RFX7: variants seen among roughly 807,000 people sequenced by gnomAD.
RFX7 encodes regulatory factor X7, also known as DNA-binding protein RFX7.
In RFX7, 26 loss-of-function variants were observed where a neutral mutation model predicts 111.8. The ratio of observed to expected loss-of-function variants is 0.23; its 90% CI spans 0.17 to 0.32. The LOEUF is 0.32. Ranked by LOEUF, RFX7 falls within the 10% of genes least tolerant of loss-of-function variation. The pLI, the probability that RFX7 is intolerant of heterozygous loss-of-function variation, is 1.00. For missense variants in RFX7, 1,573 were observed against 1,772.9 expected, an observed-to-expected ratio of 0.89 and a Z score of 2.02; for synonymous variants, 624 against 624.4, an observed-to-expected ratio of 1.00 and a Z score of 0.01.
chr15:56,136,115 G>A lies in RFX7; in HGVS notation c.401+6663C>T, dbSNP rs145526588. Among the ~76,000 whole-genome samples the A allele has an allele frequency of 4.4e-3, 672 of 151,872 alleles. 4 individuals are homozygous for A. Among genetic ancestry groups the A allele is most frequent in the African/African-American group, 0.014 (566 of 41,308 alleles). On this transcript the variant is annotated intron_variant, in intron 5 of 9. Transcript: ENST00000559447. Reference sequence around the variant, plus strand: ...GCGATGCGGGCTCTTTTTTGGTTCCGTATGAACTTTAAAGTAGTTTTTTAC... The same window carrying A: ...GCGATGCGGGCTCTTTTTTGGTTCCATATGAACTTTAAAGTAGTTTTTTAC...
chr15:56,143,691 GACATA>G (rs2042432351), intron 4 of RFX7, among the ~76,000 whole-genome samples: 1 of 151,952 alleles, frequency 6.6e-6, no homozygotes, highest in Admixed American at 6.6e-5. Context: ...AAGTGTCTAG[GACATA>G]ACATGATTAA....
intron 3 of RFX7, among the ~76,000 whole-genome samples, chr15:56,168,189 A>C (rs1217692147): frequency 2.0e-5 from 3 of 152,240 alleles, no homozygotes; most frequent in African/African-American, 7.2e-5. Flanking sequence ...GACAATGATG[A>C]CACATTAACC....
rs1190436425 is a variant in RFX7 at position 56,173,097 on chromosome 15, GAGA to G, written c.195+6170_195+6172del. Reference sequence around the variant, plus strand: ...AGCAAGGCAGTACTGCAGAGCTAAAGAGAAGGAGGTTAGTGTTCGAGGTGGCAA... The same window carrying G: ...AGCAAGGCAGTACTGCAGAGCTAAAGAGGAGGTTAGTGTTCGAGGTGGCAA... On this transcript the variant is annotated intron_variant, in intron 3 of 9. Coordinates refer to ENST00000559447, the MANE Select transcript of RFX7 (RefSeq NM_022841.7). Among the ~76,000 whole-genome samples, 4 of 152,330 alleles carry G rather than the reference GAGA, an allele frequency of 2.6e-5. No individual in the cohort carries two copies. In the South Asian group the frequency reaches 6.2e-4, roughly 24 times the overall value.
intron 6 of RFX7, 48 bp downstream of exon 6, chr15:56,103,506 C>T: frequency 8.5e-7 from 1 of 1,182,276 alleles, no homozygotes; most frequent in Non-Finnish European, 1.2e-6. Flanking sequence ...TGTTCTATAA[C>T]AAGTGAGAAC....
chr15:56,107,080 A>T (rs1299786268), intron 5 of RFX7, among the ~76,000 whole-genome samples: 1 of 152,014 alleles, frequency 6.6e-6, no homozygotes, highest in Non-Finnish European at 1.5e-5. Flanking sequence ...GGCAGATCAC[A>T]AGGTCAGGAG....
chr15:56,159,585 A>C (rs1419053612), intron 3 of RFX7, among the ~76,000 whole-genome samples: 3 of 152,246 alleles, frequency 2.0e-5, no homozygotes, highest in Non-Finnish European at 4.4e-5. Flanking sequence ...AGAAATAATC[A>C]ATCTAAGCAG....
At chr15:56,141,359 C>A (rs1186059101) in intron 5 of RFX7, among the ~76,000 whole-genome samples, 2 of 151,632 alleles carry the variant, frequency 1.3e-5, no homozygotes, top group Non-Finnish European at 2.9e-5. Flanking sequence ...AGAGTTAAAC[C>A]CTGTCTCAAA....
rs776182749 is a variant in RFX7, at chr15:56,101,399, C to G, written c.771G>C (p.Lys257Asn). The G allele has an allele frequency of 1.2e-6, 2 of 1,608,106 alleles. No individual in the cohort carries two copies. The highest frequency in any genetic ancestry group is 1.7e-6 in the Non-Finnish European group (2 of 1,177,386). ...FLVKSHYIGT[K>N]SMAALTVMAA... Reference sequence around the variant, plus strand: ...CCATTACAGTTAGAGCTGCCATTGACTTGGTGCCTATATAGTGACTTTTTA... The same window carrying G: ...CCATTACAGTTAGAGCTGCCATTGAGTTGGTGCCTATATAGTGACTTTTTA... The change falls in exon 8 of 10, where the codon AAG becomes AAC. Residue 257 changes from lysine to asparagine, a missense_variant. This residue lies in a region of RFX7 where 288 missense variants were observed against 337.9 expected (regional missense o/e 0.85). Coordinates refer to ENST00000559447, the MANE Select transcript of RFX7 (RefSeq NM_022841.7).
chr15:56,130,284 A>G (rs1387709252), intron 5 of RFX7, among the ~76,000 whole-genome samples: 2 of 152,314 alleles, frequency 1.3e-5, no homozygotes, highest in African/African-American at 4.8e-5. Context: ...TTAAAAATTG[A>G]TAATTTGTTA....
chr15:56,114,464 A>C (rs1365961014), intron 5 of RFX7, among the ~76,000 whole-genome samples: 1 of 151,742 alleles, frequency 6.6e-6, no homozygotes. Flanking sequence ...GAAAAGGAAA[A>C]GAAAAAGAAA....
At chr15:56,102,296 T>C in intron 6 of RFX7, 43 bp from the exon 7 acceptor site, 8 of 1,218,444 alleles carry the variant, frequency 6.6e-6, no homozygotes, top group Non-Finnish European at 9.5e-6. Flanking sequence ...TTAAATGAAT[T>C]GCTTATACAG....
rs1170707375 is a variant in RFX7, at chr15:56,091,798, A to C, written c.*1547T>G. ...CAACTCTAGCACCATTTATTTATCAAAATATGTTAATACCCTACCTTGCAA... is the reference window on the plus strand; with the variant it reads ...CAACTCTAGCACCATTTATTTATCACAATATGTTAATACCCTACCTTGCAA... On this transcript the variant is annotated 3_prime_UTR_variant, in exon 10 of 10. Coordinates refer to ENST00000559447, the MANE Select transcript of RFX7 (RefSeq NM_022841.7). 2 of 152,580 alleles carry C rather than the reference A, an allele frequency of 1.3e-5. No homozygotes were observed. Among genetic ancestry groups the C allele is most frequent in the Admixed American group, 1.3e-4 (2 of 15,266 alleles). The allele number at this position is 152,580 out of a possible 1,614,324, so 9.5% of individuals were successfully genotyped here. A position where few individuals can be genotyped will look rare whatever the true frequency, so the allele number is the denominator to read the frequency against.
In RFX7 at chr15:56,102,161, A is replaced by T. The variant is rs1371753985; in HGVS notation, c.603+8T>A. The T allele has an allele frequency of 6.3e-7, 1 of 1,598,188 alleles. No homozygotes were observed. Among genetic ancestry groups the T allele is most frequent in the Admixed American group, 1.7e-5 (1 of 58,926 alleles). Reference sequence around the variant, plus strand: ...TTACTTATTAAAAAGAAAAGGCTGAATTCTTACCCCATCTCCAGTTTTGTG... The same window carrying T: ...TTACTTATTAAAAAGAAAAGGCTGATTTCTTACCCCATCTCCAGTTTTGTG... On this transcript the variant is annotated splice_region_variant and intron_variant, in intron 7 of 9. Coordinates refer to ENST00000559447, the MANE Select transcript of RFX7 (RefSeq NM_022841.7).
intron 3 of RFX7, among the ~76,000 whole-genome samples, chr15:56,174,513 C>T (rs571944032): frequency 4.6e-5 from 7 of 152,056 alleles, no homozygotes; most frequent in South Asian, 2.1e-4. Flanking sequence ...CTTTGGGAGG[C>T]GAAGGTAGGC....
chr15:56,215,184 T>C lies in RFX7; in HGVS notation c.161+27941A>G, dbSNP rs150528015. Among the ~76,000 whole-genome samples, 118 of 152,366 alleles carry C rather than the reference T, an allele frequency of 7.7e-4. 1 individual carries two copies. The highest frequency in any genetic ancestry group is 2.8e-3 in the African/African-American group (117 of 41,598). Reference sequence around the variant, plus strand: ...TCATGTATGTTAAATCATCTCCAGATTCCTTGTAATCAATACAATGTAAGT... The same window carrying C: ...TCATGTATGTTAAATCATCTCCAGACTCCTTGTAATCAATACAATGTAAGT... On this transcript the variant is annotated intron_variant, in intron 2 of 9. Coordinates refer to ENST00000559447, the MANE Select transcript of RFX7 (RefSeq NM_022841.7).
At chr15:56,167,452 C>G (rs1192827952) in intron 3 of RFX7, among the ~76,000 whole-genome samples, 1 of 152,126 alleles carries the variant, frequency 6.6e-6, no homozygotes. Context: ...GCTAATAATG[C>G]TCTGGTGTTG....
At chr15:56,202,076 C>T (rs1277109782) in intron 2 of RFX7, among the ~76,000 whole-genome samples, 1 of 151,940 alleles carries the variant, frequency 6.6e-6, no homozygotes, top group South Asian at 2.1e-4. Flanking sequence ...CACAGCCACA[C>T]AGAAAAACTG....
At chr15:56,165,744 A>G (rs1156670864) in intron 3 of RFX7, among the ~76,000 whole-genome samples, 1 of 152,202 alleles carries the variant, frequency 6.6e-6, no homozygotes, top group African/African-American at 2.4e-5. Context: ...TTTTAAACCT[A>G]GAAATAGCTG....
At chr15:56,164,740 G>T (rs1440562504) in intron 3 of RFX7, among the ~76,000 whole-genome samples, 1 of 152,034 alleles carries the variant, frequency 6.6e-6, no homozygotes, top group Non-Finnish European at 1.5e-5. Flanking sequence ...TTAGATTTTT[G>T]TAATGGACAA....
Sources: allele counts gnomAD v4.1 joint callset (sites outside exome capture counted in the v4.1 genomes callset), GRCh38; gene constraint gnomAD v4.1.1; regional missense constraint gnomAD v4.1.1; transcripts MANE v1.5; gene names NCBI Gene and HGNC (gene_info 2026-07-23, HGNC 2026-07-21).